RBM33: variants seen among roughly 807,000 people sequenced by gnomAD.
The protein encoded by RBM33 is RNA-binding protein 33.
Under a neutral mutation model 132.6 loss-of-function variants are expected in RBM33, and 28 were observed. The ratio of observed to expected loss-of-function variants is 0.21; its 90% confidence interval spans 0.16 to 0.29. The LOEUF (loss-of-function observed/expected upper bound fraction) is 0.29, where lower values mean the gene tolerates loss of function less well. RBM33 is among the 10% of genes least tolerant of loss of function. The pLI, the probability that RBM33 is intolerant of heterozygous loss-of-function variation, is 1.00. For missense variants in RBM33, 1,291 were observed against 1,518.5 expected (o/e 0.85, Z 2.49); for synonymous variants, 634 against 593.0 (o/e 1.07, Z -1.01).
chr7:155,644,936 G>C lies in RBM33; in HGVS notation c.43+17G>C. On this transcript the variant is annotated intron_variant, in intron 1 of 17. Coordinates refer to ENST00000401878, the MANE Select transcript of RBM33 (RefSeq NM_053043.3). ...GCGCCGGAGGTACGTGAGGCAGCCGGACTCTGGGGGCCAGGACCGCGCCGC... is the reference window on the plus strand; with the variant it reads ...GCGCCGGAGGTACGTGAGGCAGCCGCACTCTGGGGGCCAGGACCGCGCCGC... 1.3e-6 allele frequency: 2 copies of C among 1,492,422 alleles called. No homozygotes were observed. The highest frequency in any genetic ancestry group is 1.8e-6 in the Non-Finnish European group (2 of 1,126,040). 92.4% of individuals were successfully genotyped at this position (1,492,422 alleles called of 1,614,324 possible).
At chr7:155,679,366 A>G (rs1046218206) in intron 4 of RBM33, among the ~76,000 whole-genome samples, 2 of 152,028 alleles carry the variant, frequency 1.3e-5, no homozygotes, top group African/African-American at 2.4e-5. Flanking sequence ...ATTTGTCTTC[A>G]TTTTAGCCAG....
At chr7:155,747,796 G>A (rs1374145205) in intron 14 of RBM33, among the ~76,000 whole-genome samples, 1 of 152,228 alleles carries the variant, frequency 6.6e-6, no homozygotes, top group Admixed American at 6.5e-5. Flanking sequence ...TGACCTAGCA[G>A]GGAAGATGTC....
chr7:155,686,948 A>T (rs1332846314), intron 5 of RBM33, among the ~76,000 whole-genome samples: 1 of 152,200 alleles, frequency 6.6e-6, no homozygotes. Context: ...ATACATGTGC[A>T]TGTGTCTTTA....
intron 3 of RBM33, among the ~76,000 whole-genome samples, chr7:155,675,254 A>T (rs1018307131): frequency 3.4e-5 from 5 of 148,488 alleles, no homozygotes; most frequent in African/African-American, 1.0e-4. Flanking sequence ...AGATCACGCC[A>T]CTGTACTCTA....
chr7:155,683,248 G>GAGGT (rs946520190), intron 5 of RBM33, among the ~76,000 whole-genome samples: 139 of 152,318 alleles, frequency 9.1e-4, no homozygotes, highest in Middle Eastern at 3.4e-3. Flanking sequence ...ATTAAATTGT[G>GAGGT]AGGTACTCTT....
At chr7:155,730,871 T>C (rs923642424) in intron 9 of RBM33, among the ~76,000 whole-genome samples, 1 of 152,124 alleles carries the variant, frequency 6.6e-6, no homozygotes, top group Non-Finnish European at 1.5e-5. Flanking sequence ...GAGATGAAAA[T>C]CACAATATTA....
chr7:155,703,335 T>C (rs930383169), intron 6 of RBM33, among the ~76,000 whole-genome samples: 1 of 152,188 alleles, frequency 6.6e-6, no homozygotes, highest in African/African-American at 2.4e-5. Context: ...TGGTTTGTGG[T>C]GGGCAAGTCC....
At chr7:155,645,704 T>C (rs1798167075) in intron 1 of RBM33, among the ~76,000 whole-genome samples, 1 of 152,218 alleles carries the variant, frequency 6.6e-6, no homozygotes, top group Non-Finnish European at 1.5e-5. Flanking sequence ...TGAAAGTGAC[T>C]TTTTAAGTGA....
intron 5 of RBM33, among the ~76,000 whole-genome samples, chr7:155,686,948 A>G (rs1332846314): frequency 6.6e-6 from 1 of 152,318 alleles, no homozygotes; most frequent in South Asian, 2.1e-4. Flanking sequence ...ATACATGTGC[A>G]TGTGTCTTTA....
At chr7:155,675,479 T>G (rs1448344244) in intron 3 of RBM33, among the ~76,000 whole-genome samples, 3 of 152,106 alleles carry the variant, frequency 2.0e-5, no homozygotes, top group Admixed American at 1.3e-4. Context: ...ACATTGAGGT[T>G]GTTTCCAGCT....
rs1801202646 is a variant in RBM33, at chr7:155,738,423, C to T, written c.1737+20C>T. On this transcript the variant is annotated intron_variant, in intron 11 of 17. Coordinates refer to ENST00000401878, the MANE Select transcript of RBM33 (RefSeq NM_053043.3). ...CTGCAGGTAATGCATCCTGAGTGAA[C>T]CTCCAGGGAAAAAATGTGTAGCTTC... The T allele has an allele frequency of 1.3e-6, 2 of 1,582,186 alleles. No individual in the cohort carries two copies. The highest frequency in any genetic ancestry group is 1.7e-6 in the Non-Finnish European group (2 of 1,161,310).
intron 5 of RBM33, among the ~76,000 whole-genome samples, chr7:155,697,950 T>G (rs996268119): frequency 3.9e-5 from 6 of 152,358 alleles, no homozygotes; most frequent in African/African-American, 1.4e-4. Flanking sequence ...AATGAAAGAT[T>G]TACATGCACA....
chr7:155,673,545 CACGT>C (rs1348663867), intron 3 of RBM33, among the ~76,000 whole-genome samples: 1 of 84,684 alleles, frequency 1.2e-5, no homozygotes, highest in African/African-American at 4.5e-5. Flanking sequence ...TATACATACA[CACGT>C]GTATATATAT....
intron 9 of RBM33, among the ~76,000 whole-genome samples, chr7:155,731,957 GCTTGTT>G (rs1224344608): frequency 3.9e-5 from 6 of 152,316 alleles, no homozygotes; most frequent in African/African-American, 1.4e-4. Flanking sequence ...ACCTCTTTTA[GCTTGTT>G]CTAATTATAG....
At chr7:155,763,756 A>C in intron 14 of RBM33, 56 bp from the exon 15 acceptor site, 1 of 1,516,952 alleles carries the variant, frequency 6.6e-7, no homozygotes, top group Non-Finnish European at 9.0e-7. Context: ...AATGCTGGGG[A>C]GGAGCTTTTG....
At chr7:155,696,544 A>G (rs1487103339) in intron 5 of RBM33, among the ~76,000 whole-genome samples, 1 of 152,150 alleles carries the variant, frequency 6.6e-6, no homozygotes, top group Non-Finnish European at 1.5e-5. Context: ...GTACGTTTTT[A>G]TATCAGATTG....
intron 3 of RBM33, among the ~76,000 whole-genome samples, chr7:155,673,554 A>T (rs1382190200): frequency 1.0e-5 from 1 of 96,056 alleles, no homozygotes; most frequent in African/African-American, 4.6e-5. Flanking sequence ...ACACGTGTAT[A>T]TATATACACA....
At chr7:155,704,353 C>T (rs568987695) in intron 6 of RBM33, among the ~76,000 whole-genome samples, 18 of 152,182 alleles carry the variant, frequency 1.2e-4, no homozygotes, top group South Asian at 4.2e-4. Flanking sequence ...TTCCCAAGGA[C>T]GATACAGAAC....
intron 3 of RBM33, among the ~76,000 whole-genome samples, chr7:155,673,725 CACACATATATACAT>C (rs1799053791): frequency 1.4e-5 from 2 of 146,082 alleles, no homozygotes; most frequent in African/African-American, 5.1e-5. Flanking sequence ...TATATATACA[CACACATATATACAT>C]ACACACGTGT....
Sources: allele counts gnomAD v4.1 joint callset (sites outside exome capture counted in the v4.1 genomes callset), GRCh38; gene constraint gnomAD v4.1.1; transcripts MANE v1.5; gene names NCBI Gene and HGNC (gene_info 2026-07-23, HGNC 2026-07-21).